Variants in PHYHIPL observed in about 807,000 individuals in gnomAD.
PHYHIPL encodes the protein phytanoyl-CoA 2-hydroxylase interacting protein like.
Under a neutral mutation model 33.4 loss-of-function variants are expected in PHYHIPL, and 9 were observed. The ratio of observed to expected loss-of-function variants is 0.27; its 90% CI spans 0.16 to 0.47. The LOEUF (loss-of-function observed/expected upper bound fraction) is 0.47, where lower values mean the gene tolerates loss of function less well. Ranked by LOEUF, PHYHIPL falls within the 20% of genes least tolerant of loss-of-function variation. The pLI is 0.99. For missense variants in PHYHIPL, 365 were observed against 460.7 expected, an observed-to-expected ratio of 0.79 and a Z score of 1.90; for synonymous variants, 153 against 154.1, an observed-to-expected ratio of 0.99 and a Z score of 0.05.
At chr10:59,201,448 TACATTTG>T (rs1345923244) in intron 1 of PHYHIPL, among the ~76,000 whole-genome samples, 3 of 152,236 alleles carry the variant, frequency 2.0e-5, no homozygotes, top group African/African-American at 7.2e-5. Flanking sequence ...TCTGTTATTT[TACATTTG>T]CTGAAGAGAG....
intron 1 of PHYHIPL, among the ~76,000 whole-genome samples, chr10:59,194,155 C>T (rs1180063541): frequency 1.4e-5 from 2 of 145,458 alleles, no homozygotes; most frequent in African/African-American, 5.1e-5. Flanking sequence ...GATCTTGGCT[C>T]ACTGCAATCT....
intron 1 of PHYHIPL, among the ~76,000 whole-genome samples, chr10:59,185,971 T>A (rs542041306): frequency 6.6e-6 from 1 of 152,332 alleles, no homozygotes; most frequent in South Asian, 2.1e-4. Context: ...TTAGTTTAAT[T>A]AGATACTATT....
intron 1 of PHYHIPL, among the ~76,000 whole-genome samples, chr10:59,230,679 G>C (rs976393096): frequency 1.3e-5 from 2 of 152,126 alleles, no homozygotes; most frequent in Admixed American, 1.3e-4. Context: ...ATGATGCCCT[G>C]GTGACCTCAG....
chr10:59,229,909 T>C (rs1008582329), intron 1 of PHYHIPL, among the ~76,000 whole-genome samples: 2 of 152,168 alleles, frequency 1.3e-5, no homozygotes, highest in African/African-American at 2.4e-5. Flanking sequence ...TTTCAGTTCA[T>C]CCACAAGGAC....
In PHYHIPL at chr10:59,176,653, A is replaced by G. The variant is rs931581106; in HGVS notation, c.-201A>G. 2.4e-5 allele frequency: 13 copies of G among 536,292 alleles called. No individual in the cohort carries two copies. Among genetic ancestry groups the G allele is most frequent in the Admixed American group, 7.1e-5 (2 of 28,238 alleles). The allele number at this position is 536,292 out of a possible 1,614,324, so 33.2% of individuals were successfully genotyped here. ...CCTGCTCGGTCTCTCAGAGCCGCACACTCCGCGGAGCTCCTGCCACAGCCG... is the reference window on the plus strand; with the variant it reads ...CCTGCTCGGTCTCTCAGAGCCGCACGCTCCGCGGAGCTCCTGCCACAGCCG... On this transcript the variant is annotated 5_prime_UTR_variant, in exon 1 of 5. Transcript: ENST00000373880.
intron 1 of PHYHIPL, among the ~76,000 whole-genome samples, chr10:59,197,408 T>G (rs543519057): frequency 6.6e-6 from 1 of 152,344 alleles, no homozygotes; most frequent in South Asian, 2.1e-4. Flanking sequence ...AACATATATA[T>G]GGACTTTCAT....
intron 4 of PHYHIPL, among the ~76,000 whole-genome samples, chr10:59,240,610 A>G (rs1840365525): frequency 6.6e-6 from 1 of 152,100 alleles, no homozygotes; most frequent in Non-Finnish European, 1.5e-5. Context: ...AACCATCATA[A>G]GTCAGGGACT....
intron 4 of PHYHIPL, among the ~76,000 whole-genome samples, chr10:59,242,567 C>CAA (rs1295863290): frequency 1.1e-4 from 17 of 151,982 alleles, no homozygotes; most frequent in Admixed American, 1.1e-3. Flanking sequence ...AAAAGATAAT[C>CAA]AAAGATACAA....
chr10:59,180,257 T>TACACACACACAC (rs140480148), intron 1 of PHYHIPL, among the ~76,000 whole-genome samples: 1 of 118,940 alleles, frequency 8.4e-6, no homozygotes, highest in Admixed American at 8.4e-5. Context: ...ATCATATATA[T>TACACACACACAC]ACACACACAC....
intron 1 of PHYHIPL, among the ~76,000 whole-genome samples, chr10:59,181,236 C>G (rs1393837417): frequency 2.0e-5 from 3 of 152,156 alleles, no homozygotes; most frequent in Non-Finnish European, 4.4e-5. Context: ...CACGTAACTT[C>G]TTGAATTGAA....
At chr10:59,238,974 T>A (rs1195373078) in intron 4 of PHYHIPL, among the ~76,000 whole-genome samples, 1 of 152,016 alleles carries the variant, frequency 6.6e-6, no homozygotes, top group Non-Finnish European at 1.5e-5. Flanking sequence ...TTTAGATCGA[T>A]GAGCATTTCA....
At position 59,247,679 on chromosome 10, in the gene PHYHIPL, T is replaced by C; in HGVS notation, c.*2088T>C. On this transcript the variant is annotated 3_prime_UTR_variant, in exon 5 of 5. Transcript: ENST00000373880. ...TCTAATAGTCTCAGTTTGGCTTTTA[T>C]GTGCTTATATTCATAATACTCATCT... 6.2e-7 allele frequency: 1 copy of C among 1,613,582 alleles called. No individual in the cohort carries two copies. Among genetic ancestry groups the C allele is most frequent in the Non-Finnish European group, 8.5e-7 (1 of 1,179,682 alleles).
intron 1 of PHYHIPL, among the ~76,000 whole-genome samples, chr10:59,208,011 T>C (rs566316518): frequency 4.3e-4 from 65 of 152,144 alleles, no homozygotes; most frequent in African/African-American, 1.5e-3. Context: ...TAGACTTAAA[T>C]GTTCCTGCCT....
At chr10:59,205,291 G>A (rs1379388915) in intron 1 of PHYHIPL, among the ~76,000 whole-genome samples, 2 of 152,038 alleles carry the variant, frequency 1.3e-5, no homozygotes, top group Non-Finnish European at 2.9e-5. Flanking sequence ...TGACATTCTA[G>A]ATCATGAACG....
At chr10:59,203,158 A>G (rs549910416) in intron 1 of PHYHIPL, among the ~76,000 whole-genome samples, 12 of 152,308 alleles carry the variant, frequency 7.9e-5, no homozygotes, top group African/African-American at 2.4e-4. Context: ...CAACAGACAC[A>G]TGAAAAAATG....
At chr10:59,199,631 A>G (rs970567562) in intron 1 of PHYHIPL, among the ~76,000 whole-genome samples, 15 of 152,302 alleles carry the variant, frequency 9.8e-5, no homozygotes, top group Non-Finnish European at 2.1e-4. Flanking sequence ...CATTGAATCT[A>G]TAAATTACCT....
At position 59,176,868 on chromosome 10, in the gene PHYHIPL, C is replaced by T. The variant is rs765563316; in HGVS notation, c.15C>T (p.Arg5=). ...GGGTTGGAAAAATGGAGGTGCCGCG[C>T]CTGGATCATGCCCTCAACAGCCCCA... MEVP[R]LDHALNSPTS... is the part of the protein sequence containing the mutation. The change falls in exon 1 of 5, where the codon CGC becomes CGT. Residue 5 remains arginine, a synonymous_variant. Coordinates refer to ENST00000373880, the MANE Select transcript of PHYHIPL (RefSeq NM_032439.4). 5 of 1,612,962 alleles carry T rather than the reference C, an allele frequency of 3.1e-6. No individual in the cohort carries two copies. Among genetic ancestry groups the T allele is most frequent in the Non-Finnish European group, 3.4e-6 (4 of 1,179,512 alleles).
intron 3 of PHYHIPL, among the ~76,000 whole-genome samples, chr10:59,236,924 A>G (rs1840243705): frequency 6.6e-6 from 1 of 151,892 alleles, no homozygotes; most frequent in Admixed American, 6.6e-5. Context: ...CTATGCAAAT[A>G]AAAAGGTATG....
chr10:59,244,240 A>AGAAAT (rs1376588054), intron 4 of PHYHIPL, among the ~76,000 whole-genome samples: 1 of 152,134 alleles, frequency 6.6e-6, no homozygotes, highest in Non-Finnish European at 1.5e-5. Flanking sequence ...AAAATGCCAG[A>AGAAAT]GAAATAACCT....
Sources: gnomAD v4.1 joint callset for allele counts (sites outside exome capture counted in the v4.1 genomes callset) on GRCh38, gnomAD v4.1.1 for gene constraint, MANE v1.5 for transcripts, NCBI Gene and HGNC (gene_info 2026-07-23, HGNC 2026-07-21) for gene names.